PTPRT: variants seen among roughly 807,000 people sequenced by gnomAD.
PTPRT encodes the protein receptor-type tyrosine-protein phosphatase T.
Under a neutral mutation model 176.8 loss-of-function variants are expected in PTPRT, and 56 were observed. The observed-to-expected ratio is 0.32, with a 90% confidence interval of 0.26 to 0.40. The LOEUF is 0.40. Among genes scored for constraint, PTPRT ranks in the 10% least tolerant of loss-of-function variants. The pLI is 1.00. For synonymous variants in PTPRT, 783 were observed against 739.0 expected, an observed-to-expected ratio of 1.06 and a Z score of -0.96; for missense variants, 1,540 against 1,908.2, an observed-to-expected ratio of 0.81 and a Z score of 3.60.
chr20:42,291,748 C>T (rs2057319926), intron 12 of PTPRT, among the ~76,000 whole-genome samples: 1 of 152,048 alleles, frequency 6.6e-6, no homozygotes, highest in South Asian at 2.1e-4. Flanking sequence ...TCTGGCATGG[C>T]TATCATCATA....
chr20:42,433,591 T>C (rs376168755), intron 9 of PTPRT, among the ~76,000 whole-genome samples: 1 of 152,176 alleles, frequency 6.6e-6, no homozygotes, highest in African/African-American at 2.4e-5. Flanking sequence ...GGGCACACAC[T>C]TGCCCTATAT....
intron 11 of PTPRT, among the ~76,000 whole-genome samples, chr20:42,329,500 C>A (rs34542128): frequency 7.3e-6 from 1 of 136,484 alleles, no homozygotes; most frequent in African/African-American, 2.7e-5. Flanking sequence ...CACACACACA[C>A]ACATACACAC....
At chr20:43,029,398 G>T (rs151248049) in intron 1 of PTPRT, among the ~76,000 whole-genome samples, 1 of 152,154 alleles carries the variant, frequency 6.6e-6, no homozygotes, top group East Asian at 1.9e-4. Flanking sequence ...CACCAACTTC[G>T]GCAGCAGAGA....
intron 4 of PTPRT, among the ~76,000 whole-genome samples, chr20:42,777,003 C>G (rs939280658): frequency 6.6e-6 from 1 of 152,090 alleles, no homozygotes; most frequent in Non-Finnish European, 1.5e-5. Flanking sequence ...TGGTGCCTGA[C>G]ATGGAGCTCA....
At chr20:42,991,914 T>C (rs1983932854) in intron 1 of PTPRT, among the ~76,000 whole-genome samples, 1 of 152,200 alleles carries the variant, frequency 6.6e-6, no homozygotes, top group South Asian at 2.1e-4. Context: ...TTCTTAAGAC[T>C]GCTAGCAGGT....
At chr20:42,880,275 C>T (rs1230618784) in intron 2 of PTPRT, among the ~76,000 whole-genome samples, 1 of 152,066 alleles carries the variant, frequency 6.6e-6, no homozygotes, top group Non-Finnish European at 1.5e-5. Flanking sequence ...CTCATAGAAC[C>T]CTAGGGAAGA....
intron 1 of PTPRT, among the ~76,000 whole-genome samples, chr20:43,166,362 T>A (rs1376274592): frequency 6.6e-6 from 1 of 151,686 alleles, no homozygotes; most frequent in Non-Finnish European, 1.5e-5. Flanking sequence ...GATCTGTAGA[T>A]TTCTCTCTGT....
At chr20:42,819,784 AT>A (rs1435396835) in intron 2 of PTPRT, among the ~76,000 whole-genome samples, 3 of 152,210 alleles carry the variant, frequency 2.0e-5, no homozygotes, top group Non-Finnish European at 4.4e-5. Flanking sequence ...CTAATCTCTG[AT>A]AAAAAAGACT....
At chr20:42,831,068 G>A (rs573009736) in intron 2 of PTPRT, among the ~76,000 whole-genome samples, 40 of 152,238 alleles carry the variant, frequency 2.6e-4, no homozygotes, top group Middle Eastern at 3.4e-3. Context: ...CCTGAATAGC[G>A]AAGGCAATTC....
At chr20:42,434,195 A>G (rs549437070) in intron 9 of PTPRT, among the ~76,000 whole-genome samples, 4 of 152,344 alleles carry the variant, frequency 2.6e-5, no homozygotes, top group African/African-American at 9.6e-5. Flanking sequence ...CTAACACTAT[A>G]TACTATTGTT....
At chr20:42,810,365 G>C (rs2077681916) in intron 2 of PTPRT, among the ~76,000 whole-genome samples, 1 of 152,126 alleles carries the variant, frequency 6.6e-6, no homozygotes, top group Non-Finnish European at 1.5e-5. Context: ...GGATGTTGGG[G>C]TGATTACATA....
intron 16 of PTPRT, among the ~76,000 whole-genome samples, chr20:42,173,788 T>G (rs1329042554): frequency 6.6e-6 from 1 of 152,198 alleles, no homozygotes; most frequent in Non-Finnish European, 1.5e-5. Context: ...ACTTTTTAAG[T>G]CTTTTAACTC....
intron 2 of PTPRT, among the ~76,000 whole-genome samples, chr20:42,836,189 T>C (rs1220285435): frequency 6.6e-6 from 1 of 152,108 alleles, no homozygotes; most frequent in Non-Finnish European, 1.5e-5. Context: ...TGCCCAGGCC[T>C]AGGTGCCAGG....
At chr20:42,831,922 G>A (rs539074179) in intron 2 of PTPRT, among the ~76,000 whole-genome samples, 17 of 152,326 alleles carry the variant, frequency 1.1e-4, no homozygotes, top group African/African-American at 2.2e-4. Flanking sequence ...CTTGCACACC[G>A]TCGGTGAGAG....
At chr20:42,427,494 G>A (rs1404519801) in intron 9 of PTPRT, among the ~76,000 whole-genome samples, 1 of 145,772 alleles carries the variant, frequency 6.9e-6, no homozygotes, top group Non-Finnish European at 1.5e-5. Flanking sequence ...GTGAGGTTTT[G>A]TTCTTCATCG....
intron 7 of PTPRT, among the ~76,000 whole-genome samples, chr20:42,611,691 T>C (rs1050544324): frequency 6.6e-6 from 1 of 152,180 alleles, no homozygotes; most frequent in Non-Finnish European, 1.5e-5. Context: ...AAACTCACCT[T>C]CCTTCCCTGA....
chr20:42,633,464 C>T (rs1034293342), intron 7 of PTPRT, among the ~76,000 whole-genome samples: 2 of 151,818 alleles, frequency 1.3e-5, no homozygotes, highest in Non-Finnish European at 2.9e-5. Context: ...TCTAACACTT[C>T]GTTGTAAGTT....
intron 1 of PTPRT, among the ~76,000 whole-genome samples, chr20:43,149,804 C>CCAGATCTGCTGCACAGCATCTGGAA (rs2014289599): frequency 6.6e-6 from 1 of 152,224 alleles, no homozygotes; most frequent in East Asian, 1.9e-4. Context: ...TGACAGTTCA[C>CCAGATCTGCTGCACAGCATCTGGAA]CAGATCTGCT....
chr20:43,121,605 T>C (rs1202804300), intron 1 of PTPRT, among the ~76,000 whole-genome samples: 2 of 152,226 alleles, frequency 1.3e-5, no homozygotes, highest in Non-Finnish European at 2.9e-5. Flanking sequence ...TAGTGTCCAT[T>C]TGAATATCCT....
Sources: allele counts gnomAD v4.1 joint callset (sites outside exome capture counted in the v4.1 genomes callset), GRCh38; gene constraint gnomAD v4.1.1; transcripts MANE v1.5; gene names NCBI Gene and HGNC (gene_info 2026-07-23, HGNC 2026-07-21).